The following MX2 variants were observed in gnomAD, a reference collection of about 807,000 sequenced individuals.
MX2 encodes interferon-induced GTP-binding protein Mx2.
In MX2, 51 loss-of-function variants were observed where a neutral mutation model predicts 74.0. The ratio of observed to expected loss-of-function variants is 0.69; its 90% CI spans 0.55 to 0.87. The LOEUF is 0.87. MX2 is among the 40% of genes least tolerant of loss of function. MX2 has a pLI of 0.00. For missense variants in MX2, 832 were observed against 908.7 expected (o/e 0.92, Z 1.09); for synonymous variants, 369 against 339.3 (o/e 1.09, Z -0.96).
chr21:41,378,416 A>G (rs1207790739), intron 3 of MX2, among the ~76,000 whole-genome samples: 5 of 152,084 alleles, frequency 3.3e-5, no homozygotes, highest in Non-Finnish European at 7.3e-5. Flanking sequence ...AATAGCTTTC[A>G]CTGCCCGTGT....
At chr21:41,396,828 C>A (rs566967082) in intron 7 of MX2, among the ~76,000 whole-genome samples, 54 of 152,312 alleles carry the variant, frequency 3.5e-4, no homozygotes, top group African/African-American at 1.2e-3. Context: ...GTTCTCCATG[C>A]TGAGTGAGCA....
At position 41,403,199 on chromosome 21, in the gene MX2, C is replaced by G. The variant is rs913107560; in HGVS notation, c.1574-68C>G. 13 of 1,295,224 alleles carry G rather than the reference C, an allele frequency of 1.0e-5. No homozygotes were observed. In the South Asian group the frequency reaches 1.6e-4, roughly 16 times the overall value. 80.2% of individuals were successfully genotyped at this position (1,295,224 alleles called of 1,614,324 possible). A position where few individuals can be genotyped will look rare whatever the true frequency, so the allele number is the denominator to read the frequency against. On this transcript the variant is annotated intron_variant, in intron 11 of 13. Coordinates refer to ENST00000330714, the MANE Select transcript of MX2 (RefSeq NM_002463.2). Reference sequence around the variant, plus strand: ...CAGTCATCCTCCCTGTGTCTTTAACCAGTTTTATTTCTGCTTGCATTTTAC... The same window carrying G: ...CAGTCATCCTCCCTGTGTCTTTAACGAGTTTTATTTCTGCTTGCATTTTAC...
chr21:41,380,268 GCTCC>G lies in MX2; in HGVS notation c.577+119_577+122del. The G allele has an allele frequency of 2.6e-5, 37 of 1,401,508 alleles. No homozygotes were observed. Among genetic ancestry groups the G allele is most frequent in the Non-Finnish European group, 3.3e-5 (34 of 1,028,146 alleles). 86.8% of individuals were successfully genotyped at this position (1,401,508 alleles called of 1,614,324 possible). A position where few individuals can be genotyped will look rare whatever the true frequency, so the allele number is the denominator to read the frequency against. On this transcript the variant is annotated intron_variant, in intron 4 of 13. Transcript: ENST00000330714. The surrounding 1 kb of genome is among the most constrained non-coding windows in gnomAD (Gnocchi z 4.3). ...GACCACTCAGCTCCTAGCCCCATGTGCTCCCACATGGGGCTGAACCCATTGCTGT... is the reference window on the plus strand; with the variant it reads ...GACCACTCAGCTCCTAGCCCCATGTGCACATGGGGCTGAACCCATTGCTGT...
intron 7 of MX2, among the ~76,000 whole-genome samples, chr21:41,396,539 A>G (rs1419770237): frequency 6.6e-6 from 1 of 152,096 alleles, no homozygotes; most frequent in Non-Finnish European, 1.5e-5. Flanking sequence ...ATCTTACAAT[A>G]TGGGCCACCT....
chr21:41,399,992 T>A (rs906859394), intron 10 of MX2, among the ~76,000 whole-genome samples: 4 of 152,146 alleles, frequency 2.6e-5, no homozygotes, highest in African/African-American at 9.6e-5. Context: ...AAAGCAGGGG[T>A]CCAGATGACT....
chr21:41,399,317 T>C lies in MX2; in HGVS notation c.1394T>C (p.Leu465Pro). The change falls in exon 10 of 14, where the codon CTT becomes CCT. Residue 465 changes from leucine to proline, a missense_variant. Transcript: ENST00000330714. ...GATTTTAAAAACTGGGTAGGCATAC[T>C]TGCAACTAATACCCAAAAAGGTAAG... Reference protein sequence around the residue: ...REDFKNWVGILATNTQKVKNI... With the variant: ...REDFKNWVGIPATNTQKVKNI... 1 of 1,614,022 alleles carries C rather than the reference T, an allele frequency of 6.2e-7. No homozygotes were observed. The highest frequency in any genetic ancestry group is 8.5e-7 in the Non-Finnish European group (1 of 1,180,002).
chr21:41,391,571 G>A (rs891493951), intron 6 of MX2, among the ~76,000 whole-genome samples: 6 of 151,914 alleles, frequency 3.9e-5, no homozygotes, highest in African/African-American at 1.2e-4. Context: ...CAGTAGAGAC[G>A]GGGTTTCACT....
chr21:41,379,656 A>G (rs7277504), intron 3 of MX2, among the ~76,000 whole-genome samples: 41,354 of 151,944 alleles, frequency 0.27, 8,649 homozygotes, highest in African/African-American at 0.58. Flanking sequence ...CCAGCTGCAG[A>G]AAGACGGGGA....
At chr21:41,404,873 C>CAAAAAAAAAAAAAAAAAAAA (rs547207365) in intron 12 of MX2, 8 of 69,038 alleles carry the variant, frequency 1.2e-4, no homozygotes, top group South Asian at 4.2e-4. Flanking sequence ...CACATATACT[C>CAAAAAAAAAAAAAAAAAAAA]AAAAAAAAAA....
At position 41,380,146 on chromosome 21, in the gene MX2, A is replaced by G. The variant is rs1601404419; in HGVS notation, c.572A>G (p.His191Arg). ...QDPGQVEKEI[H>R]KAQNVMAGNG... Reference sequence around the variant, plus strand: ...CCTGGCCAGGTGGAGAAAGAGATACACAAAGGTGGGCCCACGTCATTCTGA... The same window carrying G: ...CCTGGCCAGGTGGAGAAAGAGATACGCAAAGGTGGGCCCACGTCATTCTGA... Residue 191 changes from histidine to arginine, a missense_variant, in exon 4 of 14, where the codon CAC becomes CGC. His to Arg is a conservative substitution (Grantham distance 29). Transcript: ENST00000330714. This position sits in a 1 kb window ranked among gnomAD's most constrained non-coding sequence, Gnocchi z 4.3. The G allele has an allele frequency of 6.2e-7, 1 of 1,613,738 alleles. No individual in the cohort carries two copies.
intron 6 of MX2, among the ~76,000 whole-genome samples, chr21:41,392,383 G>A (rs547752538): frequency 6.6e-6 from 1 of 152,198 alleles, no homozygotes; most frequent in Non-Finnish European, 1.5e-5. Flanking sequence ...GAACTTCAAC[G>A]ACATTATGCT....
chr21:41,389,300 C>T (rs527716277), intron 5 of MX2, among the ~76,000 whole-genome samples: 4 of 151,848 alleles, frequency 2.6e-5, no homozygotes, highest in East Asian at 1.9e-4. Context: ...AGATTACTTG[C>T]GGCCAGGAGT....
At chr21:41,377,373 G>C (rs568850047) in intron 2 of MX2, among the ~76,000 whole-genome samples, 1 of 152,200 alleles carries the variant, frequency 6.6e-6, no homozygotes, top group Non-Finnish European at 1.5e-5. Flanking sequence ...GCTTCTGTGT[G>C]CGGGGGTCCC....
intron 5 of MX2, 121 bp downstream of exon 5, chr21:41,382,685 T>C: frequency 3.8e-6 from 5 of 1,321,904 alleles, no homozygotes; most frequent in Non-Finnish European, 5.2e-6. Context: ...GAGTCTCAGG[T>C]AAGACCTGCC....
rs2065326 is a variant in MX2 at position 41,376,308 on chromosome 21, C to G, written c.-71-528C>G. ...CAGCACTTTGGGATGCTGAGGCGGA[C>G]GGATTGCTTGAGCTCAGGAGTTTGA... On this transcript the variant is annotated intron_variant, in intron 1 of 13. Transcript: ENST00000330714. Among the ~76,000 whole-genome samples the G allele has an allele frequency of 2.6e-5, 4 of 151,946 alleles. No individual in the cohort carries two copies. The South Asian group carries it at 8.3e-4, about 32-fold the overall frequency.
intron 4 of MX2, among the ~76,000 whole-genome samples, chr21:41,381,909 C>T (rs1259360835): frequency 6.6e-6 from 1 of 152,100 alleles, no homozygotes; most frequent in Non-Finnish European, 1.5e-5. Context: ...GACATGGCAG[C>T]CAGCTTCCCC....
intron 5 of MX2, among the ~76,000 whole-genome samples, chr21:41,386,124 G>A (rs190016117): frequency 4.1e-4 from 61 of 149,344 alleles, no homozygotes; most frequent in African/African-American, 1.5e-3. Flanking sequence ...GGAGGCTGAG[G>A]CAGGAGAATC....
At position 41,402,456 on chromosome 21, in the gene MX2, G is replaced by T. The variant is rs1025202108; in HGVS notation, c.1573+328G>T. ...GGGAAGATGGTTTCTCTTGTCTTTGGGGGGCAGGCAGAGGGTGCACATGCA... is the reference window on the plus strand; with the variant it reads ...GGGAAGATGGTTTCTCTTGTCTTTGTGGGGCAGGCAGAGGGTGCACATGCA... On this transcript the variant is annotated intron_variant, in intron 11 of 13. Transcript: ENST00000330714. This position sits in a 1 kb window ranked among gnomAD's most constrained non-coding sequence, Gnocchi z 4.5. Among the ~76,000 whole-genome samples the T allele has an allele frequency of 6.6e-6, 1 of 152,152 alleles. No homozygotes were observed. Among genetic ancestry groups the T allele is most frequent in the Non-Finnish European group, 1.5e-5 (1 of 68,030 alleles).
At chr21:41,382,377 G>A (rs2089507836) in intron 4 of MX2, 33 bp from the exon 5 acceptor site, 2 of 1,604,784 alleles carry the variant, frequency 1.2e-6, no homozygotes, top group Non-Finnish European at 8.5e-7. Context: ...CATTAATGAG[G>A]GCTCTGGGTT....
Sources: allele counts gnomAD v4.1 joint callset (sites outside exome capture counted in the v4.1 genomes callset), GRCh38; gene constraint gnomAD v4.1.1; non-coding constraint Gnocchi (gnomAD v3.1); transcripts MANE v1.5; gene names NCBI Gene and HGNC (gene_info 2026-07-23, HGNC 2026-07-21).